POT1: variants seen among roughly 807,000 people sequenced by gnomAD.
The protein encoded by POT1 is protection of telomeres protein 1.
A neutral mutation model predicts 78.5 loss-of-function variants in POT1; 47 were observed. The ratio of observed to expected loss-of-function variants is 0.60; its 90% confidence interval spans 0.47 to 0.76. POT1 has a LOEUF of 0.76. Ranked by LOEUF, POT1 falls within the 30% of genes least tolerant of loss-of-function variation. POT1 has a pLI of 0.00. For synonymous variants in POT1, 259 were observed against 260.7 expected (o/e 0.99, Z 0.06); for missense variants, 646 against 749.9 (o/e 0.86, Z 1.62).
At position 124,892,328 on chromosome 7, in the gene POT1, G is replaced by T; in HGVS notation, c.62C>A (p.Thr21Lys). 1.3e-6 allele frequency: 2 copies of T among 1,537,084 alleles called. No individual in the cohort carries two copies. Among genetic ancestry groups the T allele is most frequent in the Non-Finnish European group, 1.7e-6 (2 of 1,149,198 alleles). Residue 21 changes from threonine to lysine, a missense_variant, in exon 6 of 19, where the codon ACA (threonine) becomes AAA (lysine). Physicochemically the swap from Thr to Lys is moderately conservative, Grantham distance 78. Coordinates refer to ENST00000357628, the MANE Select transcript of POT1 (RefSeq NM_015450.3). ...CACAACACCATAGACATTGACAATTGTACCACCCTTAAGTTGATTCAGGGG... is the reference window on the plus strand; with the variant it reads ...CACAACACCATAGACATTGACAATTTTACCACCCTTAAGTTGATTCAGGGG... ...YTPLNQLKGG[T>K]IVNVYGVVKF...
intron 6 of POT1, among the ~76,000 whole-genome samples, chr7:124,872,608 T>A (rs1366777315): frequency 6.6e-6 from 1 of 152,164 alleles, no homozygotes; most frequent in Non-Finnish European, 1.5e-5. Flanking sequence ...TGATAAGTGC[T>A]TAAACTTTAT....
chr7:124,897,528 C>G (rs1007778794), intron 4 of POT1, among the ~76,000 whole-genome samples: 2 of 151,814 alleles, frequency 1.3e-5, no homozygotes, highest in South Asian at 4.1e-4. Context: ...TAAAAGAATG[C>G]CAACTCCTAT....
rs901326686 is a variant in POT1, at chr7:124,827,160, T to C, written c.1686+54A>G. 2.8e-6 allele frequency: 3 copies of C among 1,087,574 alleles called. No individual in the cohort carries two copies. The African/African-American group carries it at 4.9e-5, about 18-fold the overall frequency. 67.4% of individuals were successfully genotyped at this position (1,087,574 alleles called of 1,614,324 possible). On this transcript the variant is annotated intron_variant, in intron 17 of 18. Coordinates refer to ENST00000357628, the MANE Select transcript of POT1 (RefSeq NM_015450.3). Reference sequence around the variant, plus strand: ...AGCAGGTATGAATAAATGTATTCAATTTTTTAAATATTATTTTTTAATTAA... The same window carrying C: ...AGCAGGTATGAATAAATGTATTCAACTTTTTAAATATTATTTTTTAATTAA...
chr7:124,865,618 ATTTCT>A (rs1432012717), intron 7 of POT1, among the ~76,000 whole-genome samples: 2 of 151,570 alleles, frequency 1.3e-5, no homozygotes, highest in Non-Finnish European at 2.9e-5. Flanking sequence ...CTCTGATGAA[ATTTCT>A]TTTCATTCAT....
At position 124,855,219 on chromosome 7, in the gene POT1, A is replaced by T. The variant is rs35632253; in HGVS notation, c.703-2081T>A. Among the ~76,000 whole-genome samples the T allele has an allele frequency of 1.1e-4, 3 of 28,406 alleles. No individual in the cohort carries two copies. In the South Asian group the frequency reaches 3.6e-3, roughly 34 times the overall value. The allele number at this position is 28,406 out of a possible 152,430, so 18.6% of individuals were successfully genotyped here. ...CATATGGAGACACAGAGAGGAGAGC[A>T]AAAAAAAAAAAAAAAAAAAAAAAAC... On this transcript the variant is annotated intron_variant, in intron 9 of 18. Transcript: ENST00000357628.
chr7:124,891,403 C>T (rs1172880583), intron 6 of POT1, among the ~76,000 whole-genome samples: 2 of 151,110 alleles, frequency 1.3e-5, no homozygotes, highest in African/African-American at 4.9e-5. Context: ...CTATGTGTGT[C>T]CTTAAATCTA....
chr7:124,901,155 C>T (rs1475307098), intron 3 of POT1, among the ~76,000 whole-genome samples: 1 of 152,188 alleles, frequency 6.6e-6, no homozygotes, highest in East Asian at 1.9e-4. Flanking sequence ...AGCAGTGGTT[C>T]TCCCAGCATG....
intron 6 of POT1, among the ~76,000 whole-genome samples, chr7:124,874,720 G>C (rs1378723846): frequency 1.3e-5 from 2 of 149,770 alleles, no homozygotes; most frequent in Admixed American, 1.3e-4. Context: ...GGATGATAGC[G>C]TGAGATCTGC....
intron 6 of POT1, among the ~76,000 whole-genome samples, chr7:124,880,727 G>A (rs1420256487): frequency 6.6e-6 from 1 of 151,942 alleles, no homozygotes; most frequent in African/African-American, 2.4e-5. Context: ...ATCTTTACAA[G>A]GCCACCTCTT....
At chr7:124,848,936 C>T (rs1415936249) in intron 11 of POT1, among the ~76,000 whole-genome samples, 1 of 152,060 alleles carries the variant, frequency 6.6e-6, no homozygotes, top group South Asian at 2.1e-4. Flanking sequence ...AACAAGAAAG[C>T]AAAAGTAGTA....
chr7:124,848,987 A>G (rs1284201479), intron 11 of POT1, among the ~76,000 whole-genome samples: 1 of 152,192 alleles, frequency 6.6e-6, no homozygotes, highest in African/African-American at 2.4e-5. Flanking sequence ...TAAAAAGAAG[A>G]ACTTAAGACT....
chr7:124,871,527 A>C (rs1795868002), intron 6 of POT1, among the ~76,000 whole-genome samples: 1 of 152,120 alleles, frequency 6.6e-6, no homozygotes, highest in Admixed American at 6.5e-5. Context: ...ATGAATAAAC[A>C]ATACATAGAA....
At chr7:124,898,864 C>G (rs1372667966) in intron 3 of POT1, among the ~76,000 whole-genome samples, 1 of 152,132 alleles carries the variant, frequency 6.6e-6, no homozygotes, top group Non-Finnish European at 1.5e-5. Flanking sequence ...TTTCTTTCTA[C>G]TTAGGTTTGT....
chr7:124,864,002 G>A (rs981001472), intron 7 of POT1, among the ~76,000 whole-genome samples: 2 of 152,066 alleles, frequency 1.3e-5, no homozygotes, highest in South Asian at 4.1e-4. Context: ...AGTGACTTAT[G>A]AATATTATAG....
rs1795349012 is a variant in POT1 at position 124,852,955 on chromosome 7, A to T, written c.869+17T>A. On this transcript the variant is annotated intron_variant, in intron 10 of 18. Transcript: ENST00000357628. Reference sequence around the variant, plus strand: ...AATCGATACCTTATTTACATTTTCTAAATACTAAAAGCTTACTTTTTCAGT... The same window carrying T: ...AATCGATACCTTATTTACATTTTCTTAATACTAAAAGCTTACTTTTTCAGT... 1 of 1,602,352 alleles carries T rather than the reference A, an allele frequency of 6.2e-7. No individual in the cohort carries two copies.
chr7:124,837,020 C>G (rs898164336), intron 14 of POT1, among the ~76,000 whole-genome samples: 2 of 152,186 alleles, frequency 1.3e-5, no homozygotes, highest in African/African-American at 4.8e-5. Context: ...AGGTTTGTAT[C>G]TGGAGACATC....
At chr7:124,829,438 A>T in intron 15 of POT1, 96 bp from the exon 16 acceptor site, 1 of 732,298 alleles carries the variant, frequency 1.4e-6, no homozygotes, top group Non-Finnish European at 2.2e-6. Context: ...GTTTTAAAAT[A>T]TAAATTATTA....
At chr7:124,857,355 G>A (rs764672535) in intron 9 of POT1, among the ~76,000 whole-genome samples, 13 of 152,204 alleles carry the variant, frequency 8.5e-5, no homozygotes, top group Non-Finnish European at 1.3e-4. Context: ...GAAATTCTAC[G>A]CAGAAGAGGG....
rs1449463299 is a variant in POT1, at chr7:124,853,197, T to C, written c.703-59A>G. 2.3e-6 allele frequency: 3 copies of C among 1,308,352 alleles called. No homozygotes were observed. In the East Asian group the frequency reaches 7.4e-5, roughly 32 times the overall value. The allele number at this position is 1,308,352 out of a possible 1,614,324, so 81.0% of individuals were successfully genotyped here. A position where few individuals can be genotyped will look rare whatever the true frequency, so the allele number is the denominator to read the frequency against. ...GGGAAAAATTAAAATACTTCTGATA[T>C]TTAAAACTTTAATAACCAATATGGG... On this transcript the variant is annotated intron_variant, in intron 9 of 18. Coordinates refer to ENST00000357628, the MANE Select transcript of POT1 (RefSeq NM_015450.3).
Sources: allele counts gnomAD v4.1 joint callset (sites outside exome capture counted in the v4.1 genomes callset), GRCh38; gene constraint gnomAD v4.1.1; transcripts MANE v1.5; gene names NCBI Gene and HGNC (gene_info 2026-07-23, HGNC 2026-07-21).